Variants in GSG1L observed in about 807,000 individuals in gnomAD.
GSG1L encodes GSG1 like.
GSG1L carries 24 observed loss-of-function variants against 42.1 expected under a neutral mutation model. The ratio of observed to expected loss-of-function variants is 0.57; its 90% CI spans 0.41 to 0.80. The LOEUF (loss-of-function observed/expected upper bound fraction) is 0.80, where lower values mean the gene tolerates loss of function less well. Ranked by LOEUF, GSG1L falls within the 30% of genes least tolerant of loss-of-function variation. GSG1L has a pLI of 0.00. For synonymous variants in GSG1L, 215 were observed against 203.5 expected (o/e 1.06, Z -0.48); for missense variants, 445 against 472.2 (o/e 0.94, Z 0.53).
At chr16:28,053,751 G>A (rs144999909) in intron 1 of GSG1L, among the ~76,000 whole-genome samples, 3,054 of 152,220 alleles carry the variant, frequency 0.02, 45 homozygotes, top group Admixed American at 0.033. Flanking sequence ...GCATGCATGC[G>A]TGTGTGCACA....
At position 28,059,071 on chromosome 16, in the gene GSG1L, G is replaced by C. The variant is rs371298025; in HGVS notation, c.349+4005C>G. Among the ~76,000 whole-genome samples, 1 of 152,106 alleles carries C rather than the reference G, an allele frequency of 6.6e-6. No homozygotes were observed. Among genetic ancestry groups the C allele is most frequent in the Admixed American group, 6.5e-5 (1 of 15,270 alleles). ...TGTGGGTGGCTCAGCCCAGGGTGGC[G>C]GCAACACCGAGGTGGTGCTCCCCAC... On this transcript the variant is annotated intron_variant, in intron 1 of 6. Transcript: ENST00000447459. The surrounding 1 kb of genome is among the most constrained non-coding windows in gnomAD (Gnocchi z 4.4).
intron 5 of GSG1L, among the ~76,000 whole-genome samples, chr16:27,826,292 G>A (rs891540081): frequency 3.9e-5 from 6 of 152,074 alleles, no homozygotes; most frequent in African/African-American, 7.2e-5. Context: ...CACCCCATGC[G>A]CTGCCATGCT....
chr16:27,978,878 C>T (rs183884670), intron 1 of GSG1L, among the ~76,000 whole-genome samples: 7 of 152,038 alleles, frequency 4.6e-5, no homozygotes, highest in African/African-American at 1.4e-4. Context: ...AGGTCATTGG[C>T]ATAAAACAAG....
intron 2 of GSG1L, among the ~76,000 whole-genome samples, chr16:27,943,043 TTTTGTTTG>T (rs533456550): frequency 1.3e-5 from 2 of 151,966 alleles, no homozygotes; most frequent in African/African-American, 4.8e-5. Context: ...TGCAGAGTGG[TTTTGTTTG>T]TTTGTTTGTT....
chr16:27,868,724 G>A (rs56189755), intron 3 of GSG1L, among the ~76,000 whole-genome samples: 2,533 of 152,220 alleles, frequency 0.017, 69 homozygotes, highest in African/African-American at 0.058. Flanking sequence ...TTTCTTCTCG[G>A]CAACCCTCAG....
intron 2 of GSG1L, among the ~76,000 whole-genome samples, chr16:27,890,775 C>T (rs933079333): frequency 6.6e-6 from 1 of 152,194 alleles, no homozygotes; most frequent in Non-Finnish European, 1.5e-5. Context: ...AGGTGGGGGG[C>T]ACTGGCAAGA....
At position 27,790,148 on chromosome 16, in the gene GSG1L, A is replaced by T. The variant is rs2082736227; in HGVS notation, c.*1222T>A. Reference sequence around the variant, plus strand: ...TGAGTGGAAAGATGAATTATGAATGATGGATGGATGATGAATGATGGATGG... The same window carrying T: ...TGAGTGGAAAGATGAATTATGAATGTTGGATGGATGATGAATGATGGATGG... On this transcript the variant is annotated 3_prime_UTR_variant, in exon 7 of 7. Coordinates refer to ENST00000447459, the MANE Select transcript of GSG1L (RefSeq NM_001109763.2). 6.6e-6 allele frequency: 1 copy of T among 151,784 alleles called. No homozygotes were observed. Among genetic ancestry groups the T allele is most frequent in the South Asian group, 2.1e-4 (1 of 4,810 alleles). The allele number at this position is 151,784 out of a possible 1,614,324, so 9.4% of individuals were successfully genotyped here. A position where few individuals can be genotyped will look rare whatever the true frequency, so the allele number is the denominator to read the frequency against.
At chr16:27,843,444 T>G (rs2083410001) in intron 4 of GSG1L, among the ~76,000 whole-genome samples, 1 of 149,308 alleles carries the variant, frequency 6.7e-6, no homozygotes, top group African/African-American at 2.5e-5. Context: ...CTGCTGGTAT[T>G]GCTACAATTT....
chr16:27,977,389 T>C (rs987119752), intron 1 of GSG1L, among the ~76,000 whole-genome samples: 14 of 151,934 alleles, frequency 9.2e-5, no homozygotes, highest in African/African-American at 2.9e-4. Context: ...GAGACCAACA[T>C]GGTCAAACCC....
intron 6 of GSG1L, among the ~76,000 whole-genome samples, chr16:27,796,703 C>T (rs1209336370): frequency 1.3e-5 from 2 of 152,212 alleles, no homozygotes; most frequent in Non-Finnish European, 2.9e-5. Context: ...GAATGGGGGC[C>T]ATCTATCTCT....
chr16:27,842,298 C>T (rs900446548), intron 4 of GSG1L, among the ~76,000 whole-genome samples: 2 of 152,200 alleles, frequency 1.3e-5, no homozygotes, highest in Admixed American at 6.5e-5. Context: ...ACAGAAAGCA[C>T]ATCAATGAAC....
At chr16:28,049,620 A>G (rs2086200762) in intron 1 of GSG1L, among the ~76,000 whole-genome samples, 1 of 151,952 alleles carries the variant, frequency 6.6e-6, no homozygotes, top group Non-Finnish European at 1.5e-5. Context: ...CTGAAAGGTC[A>G]AGACTTCAGT....
At chr16:27,954,719 T>A (rs2084986832) in intron 2 of GSG1L, among the ~76,000 whole-genome samples, 1 of 152,192 alleles carries the variant, frequency 6.6e-6, no homozygotes, top group Admixed American at 6.6e-5. Flanking sequence ...GGTGGTACGA[T>A]CCTAGCTCAC....
At chr16:27,821,066 A>C (rs2083146515) in intron 5 of GSG1L, among the ~76,000 whole-genome samples, 1 of 152,056 alleles carries the variant, frequency 6.6e-6, no homozygotes, top group African/African-American at 2.4e-5. Flanking sequence ...CTCTTCTGTG[A>C]AGCCTCTTCT....
chr16:27,951,955 T>C (rs1008085178), intron 2 of GSG1L, among the ~76,000 whole-genome samples: 2 of 152,120 alleles, frequency 1.3e-5, no homozygotes, highest in African/African-American at 4.8e-5. Context: ...CCCTGAAATA[T>C]TAAACAAATG....
intron 3 of GSG1L, among the ~76,000 whole-genome samples, chr16:27,868,366 T>C (rs1030251960): frequency 3.3e-5 from 5 of 152,236 alleles, no homozygotes; most frequent in Non-Finnish European, 5.9e-5. Flanking sequence ...AACTCATTCA[T>C]TTAACTGACA....
rs2083222027 is a variant in GSG1L at position 27,827,356 on chromosome 16, G to A, written c.830+1433C>T. 2.6e-5 allele frequency among the ~76,000 whole-genome samples: 4 copies of A among 152,170 alleles called. No homozygotes were observed. The South Asian group carries it at 8.3e-4, about 32-fold the overall frequency. On this transcript the variant is annotated intron_variant, in intron 5 of 6. Transcript: ENST00000447459. ...AGGCCTGGGAGGCAGACAGAGCTCA[G>A]AGAGAGTAACAGCCTGTGATTGTGC...
chr16:27,945,629 C>T (rs74374891), intron 2 of GSG1L, among the ~76,000 whole-genome samples: 1,743 of 152,284 alleles, frequency 0.011, 36 homozygotes, highest in African/African-American at 0.04. Context: ...GCAAAGTAAA[C>T]CCCAGCCGGT....
intron 1 of GSG1L, among the ~76,000 whole-genome samples, chr16:28,017,141 C>T (rs1178356257): frequency 1.3e-5 from 2 of 152,094 alleles, no homozygotes; most frequent in Non-Finnish European, 2.9e-5. Flanking sequence ...CAGTTGAACC[C>T]AAAGATAAAG....
Sources: allele counts gnomAD v4.1 joint callset (sites outside exome capture counted in the v4.1 genomes callset), GRCh38; gene constraint gnomAD v4.1.1; non-coding constraint Gnocchi (gnomAD v3.1); transcripts MANE v1.5; gene names NCBI Gene and HGNC (gene_info 2026-07-23, HGNC 2026-07-21).